The following BTBD8 variants were observed in gnomAD, a reference collection of about 807,000 sequenced individuals.
BTBD8 encodes BTB/POZ domain-containing protein 8.
In BTBD8, 110 loss-of-function variants were observed where a neutral mutation model predicts 162.9. That is an observed-to-expected ratio of 0.68 (90% CI 0.58 to 0.79). The LOEUF is 0.79. Among genes scored for constraint, BTBD8 ranks in the 30% least tolerant of loss-of-function variants. The pLI is 0.00. For synonymous variants in BTBD8, 667 were observed against 716.1 expected (o/e 0.93, Z 1.10); for missense variants, 1,905 against 2,085.4 (o/e 0.91, Z 1.68).
chr1:92,099,977 A>C (rs1034088189), intron 2 of BTBD8, among the ~76,000 whole-genome samples: 1 of 152,184 alleles, frequency 6.6e-6, no homozygotes, highest in Non-Finnish European at 1.5e-5. Flanking sequence ...TTAAAGTATG[A>C]TGTCAGCTGT....
At chr1:92,116,492 G>A (rs891140298) in intron 4 of BTBD8, among the ~76,000 whole-genome samples, 21 of 151,934 alleles carry the variant, frequency 1.4e-4, no homozygotes, top group Non-Finnish European at 4.4e-5. Context: ...TTTGCTTCAT[G>A]TATTTTGGAG....
intron 2 of BTBD8, among the ~76,000 whole-genome samples, chr1:92,101,814 A>C (rs1302453128): frequency 6.6e-6 from 1 of 151,962 alleles, no homozygotes; most frequent in African/African-American, 2.4e-5. Flanking sequence ...CTCCCACCTC[A>C]GCCACCCAAG....
chr1:92,113,164 A>C (rs891556596), intron 4 of BTBD8, among the ~76,000 whole-genome samples: 2 of 152,250 alleles, frequency 1.3e-5, no homozygotes, highest in African/African-American at 2.4e-5. Flanking sequence ...TTAATACACC[A>C]TACCATCTAC....
chr1:92,082,700 A>T (rs973709319), intron 1 of BTBD8, among the ~76,000 whole-genome samples: 5 of 152,220 alleles, frequency 3.3e-5, no homozygotes, highest in African/African-American at 1.2e-4. Context: ...TGACGTGACA[A>T]GATATGTAGA....
rs1650767638 is a variant in BTBD8 at position 92,177,880 on chromosome 1, A to G, written c.2423A>G (p.Asp808Gly). The G allele has an allele frequency of 6.6e-7, 1 of 1,525,628 alleles. No homozygotes were observed. Among genetic ancestry groups the G allele is most frequent in the Non-Finnish European group, 8.9e-7 (1 of 1,123,940 alleles). The allele number at this position is 1,525,628 out of a possible 1,614,324, so 94.5% of individuals were successfully genotyped here. A position where few individuals can be genotyped will look rare whatever the true frequency, so the allele number is the denominator to read the frequency against. The part of the protein sequence containing the change: ...TSNKKSIHEQ[D>G]TNVNNSVLKK... The stretch of plus-strand genomic sequence containing the variant: ...AATAAAAAAAGTATTCATGAACAAG[A>G]CACTAATGTAAATAACAGGTAGGTC... Residue 808 changes from aspartate (D) to glycine (G), a missense_variant, in exon 15 of 18, where the codon GAC (aspartate) becomes GGC (glycine). Asp to Gly is a moderately conservative substitution (Grantham distance 94). Around this residue, in one of 3 missense-constraint regions of BTBD8, gnomAD observed 1,374 missense variants for 1,442.7 expected, o/e 0.95. Transcript: ENST00000636805.
At position 92,139,432 on chromosome 1, in the gene BTBD8, T is replaced by C. The variant is rs1033253386; in HGVS notation, c.833+2T>C. 6.3e-7 allele frequency: 1 copy of C among 1,599,218 alleles called. No homozygotes were observed. Among genetic ancestry groups the C allele is most frequent in the East Asian group, 2.3e-5 (1 of 44,430 alleles). ...CATTCCAGACAAAACTAATGTTGGGTATGTATTCCTTTTTAATAATTTAAA... is the reference window on the plus strand; with the variant it reads ...CATTCCAGACAAAACTAATGTTGGGCATGTATTCCTTTTTAATAATTTAAA... On this transcript the variant is annotated splice_donor_variant, in intron 6 of 17. Transcript: ENST00000636805. LOFTEE classifies it high-confidence loss of function.
intron 3 of BTBD8, among the ~76,000 whole-genome samples, chr1:92,107,126 G>A (rs540268004): frequency 6.6e-5 from 10 of 151,990 alleles, no homozygotes; most frequent in African/African-American, 2.4e-4. Flanking sequence ...ATTGTTGTTA[G>A]CCTGATAACA....
At chr1:92,159,174 C>CT (rs567328682) in intron 9 of BTBD8, among the ~76,000 whole-genome samples, 720 of 141,992 alleles carry the variant, frequency 5.1e-3, no homozygotes, top group African/African-American at 0.011. Context: ...TTCTTTCTTT[C>CT]TTTTTTTTTT....
chr1:92,080,491 C>T lies in BTBD8; in HGVS notation c.-81C>T. On this transcript the variant is annotated 5_prime_UTR_variant, in exon 1 of 18. Transcript: ENST00000636805. ...TTTGGGTAGGAGCCGAGCGTTCGGT[C>T]GGAAACGCCCCCTTCTTCCTCCTGG... 6.4e-7 allele frequency: 1 copy of T among 1,566,818 alleles called. No homozygotes were observed. Among genetic ancestry groups the T allele is most frequent in the Non-Finnish European group, 8.6e-7 (1 of 1,162,736 alleles).
intron 9 of BTBD8, among the ~76,000 whole-genome samples, chr1:92,153,508 A>G (rs1406563739): frequency 4.6e-5 from 7 of 152,158 alleles, no homozygotes; most frequent in African/African-American, 9.7e-5. Context: ...TTAATGCCCA[A>G]TGATAGCAAC....
At chr1:92,085,179 G>A (rs1648124962) in intron 1 of BTBD8, among the ~76,000 whole-genome samples, 1 of 152,200 alleles carries the variant, frequency 6.6e-6, no homozygotes, top group Non-Finnish European at 1.5e-5. Flanking sequence ...TGTTCCCAGT[G>A]CTTAGTACAT....
chr1:92,139,982 C>T (rs1462656781), intron 6 of BTBD8: 1 of 132,252 alleles, frequency 7.6e-6, no homozygotes, highest in Non-Finnish European at 1.6e-5. Flanking sequence ...TGGTGGTGTG[C>T]ACCTGTAGTC....
At position 92,178,042 on chromosome 1, in the gene BTBD8, A is replaced by T. The variant is rs889736313; in HGVS notation, c.2441+144A>T. Reference sequence around the variant, plus strand: ...AATATTTTAACACAGTTTTTTATTTATTAAAAGAAATTAGTATATGCAAAA... The same window carrying T: ...AATATTTTAACACAGTTTTTTATTTTTTAAAAGAAATTAGTATATGCAAAA... On this transcript the variant is annotated intron_variant, in intron 15 of 17. Transcript: ENST00000636805. The T allele has an allele frequency of 5.3e-6, 3 of 568,012 alleles. No homozygotes were observed. In the African/African-American group the frequency reaches 5.7e-5, roughly 11 times the overall value. 35.2% of individuals were successfully genotyped at this position (568,012 alleles called of 1,614,324 possible). A position where few individuals can be genotyped will look rare whatever the true frequency, so the allele number is the denominator to read the frequency against.
At position 92,180,772 on chromosome 1, in the gene BTBD8, A is replaced by G. The variant is rs1255089575; in HGVS notation, c.3089A>G (p.Asn1030Ser). Residue 1030 changes from asparagine to serine, a missense_variant, in exon 17 of 18, where the codon AAT (asparagine) becomes AGT (serine). Asn to Ser is a conservative substitution (Grantham distance 46). Coordinates refer to ENST00000636805, the MANE Select transcript of BTBD8 (RefSeq NM_001376131.1). ...EKEKLALECQ[N>S]ISKLDKSLKH... ...GAGAAGTTGGCGTTAGAATGCCAAA[A>G]TATTTCAAAGCTGGATAAATCATTA... 3.2e-6 allele frequency: 5 copies of G among 1,551,670 alleles called. No homozygotes were observed. The highest frequency in any genetic ancestry group is 1.2e-5 in the South Asian group (1 of 84,068).
chr1:92,144,380 C>G (rs374458952), intron 7 of BTBD8, among the ~76,000 whole-genome samples: 3 of 152,020 alleles, frequency 2.0e-5, no homozygotes, highest in Admixed American at 1.3e-4. Context: ...GCAGTCGGCC[C>G]CAGAACTCCT....
intron 9 of BTBD8, among the ~76,000 whole-genome samples, chr1:92,165,171 A>G (rs1414335923): frequency 6.6e-6 from 1 of 152,012 alleles, no homozygotes; most frequent in Non-Finnish European, 1.5e-5. Flanking sequence ...TTTAGTTTTG[A>G]AGTTGAAAGA....
rs201751217 is a variant in BTBD8, at chr1:92,157,661, CT to C, written c.1123-9284del. Among the ~76,000 whole-genome samples, 264 of 144,618 alleles carry C rather than the reference CT, an allele frequency of 1.8e-3. 1 individual carries two copies. The highest frequency in any genetic ancestry group is 3.5e-3 in the South Asian group (16 of 4,534). 94.9% of individuals were successfully genotyped at this position (144,618 alleles called of 152,430 possible). ...TACAGGCATGTGCCATCATCACTGG[CT>C]TTTTTTTTTTTTCTTGGTAGGGATA... On this transcript the variant is annotated intron_variant, in intron 9 of 17. Transcript: ENST00000636805.
chr1:92,147,358 T>C, intron 8 of BTBD8, 90 bp downstream of exon 8: 6 of 1,123,826 alleles, frequency 5.3e-6, no homozygotes, highest in Non-Finnish European at 7.8e-6. Flanking sequence ...AGAGTTGGCC[T>C]GTTTTCTTGG....
chr1:92,157,830 T>G (rs1479085816), intron 9 of BTBD8, among the ~76,000 whole-genome samples: 4 of 152,226 alleles, frequency 2.6e-5, no homozygotes, highest in Admixed American at 2.6e-4. Flanking sequence ...ATTGAAAAGT[T>G]GTGTATTGAA....
Sources: allele counts gnomAD v4.1 joint callset (sites outside exome capture counted in the v4.1 genomes callset), GRCh38; gene constraint gnomAD v4.1.1; regional missense constraint gnomAD v4.1.1; transcripts MANE v1.5; gene names NCBI Gene and HGNC (gene_info 2026-07-23, HGNC 2026-07-21).